LEPROTL1: variants seen among roughly 807,000 people sequenced by gnomAD.
The protein encoded by LEPROTL1 is leptin receptor overlapping transcript-like 1.
In LEPROTL1, 6 loss-of-function variants were observed where a neutral mutation model predicts 15.4. The observed-to-expected ratio is 0.39, with a 90% CI of 0.21 to 0.77. The LOEUF is 0.77. Ranked by LOEUF, LEPROTL1 falls within the 30% of genes least tolerant of loss-of-function variation. The pLI is 0.41. For missense variants in LEPROTL1, 128 were observed against 158.1 expected (o/e 0.81, Z 1.02); for synonymous variants, 56 against 52.6 (o/e 1.06, Z -0.28).
chr8:30,130,781 AT>A (rs11411595), intron 3 of LEPROTL1, among the ~76,000 whole-genome samples: 98 of 134,006 alleles, frequency 7.3e-4, no homozygotes, highest in African/African-American at 9.1e-4. Context: ...TCAAAAAAAA[AT>A]TTTTTTTTTT....
At chr8:30,111,666 C>G (rs1415388601), downstream of LEPROTL1, among the ~76,000 whole-genome samples, 2 of 152,256 alleles carry the variant, frequency 1.3e-5, no homozygotes, top group South Asian at 4.1e-4. Flanking sequence ...ATAAGAGAGA[C>G]AGAAATATAT....
At chr8:30,115,176 C>T (rs1204402237) in intron 3 of LEPROTL1, among the ~76,000 whole-genome samples, 4 of 151,970 alleles carry the variant, frequency 2.6e-5, no homozygotes, top group Non-Finnish European at 5.9e-5. Context: ...TCAGCCTGCG[C>T]AATATGATAA....
chr8:30,111,304 A>G (rs1802650587), downstream of LEPROTL1, among the ~76,000 whole-genome samples: 1 of 152,224 alleles, frequency 6.6e-6, no homozygotes, highest in African/African-American at 2.4e-5. Flanking sequence ...ACTACAAATG[A>G]TGTTTGTCAT....
At chr8:30,095,595 G>A (rs1163805842) in intron 1 of LEPROTL1, 67 bp downstream of exon 1, 2 of 1,241,918 alleles carry the variant, frequency 1.6e-6, no homozygotes, top group Admixed American at 4.2e-5. Context: ...GGGGTCCCAC[G>A]CGGCCCCCGC....
At chr8:30,138,220 C>A, downstream of LEPROTL1, 1 of 222,550 alleles carries the variant, frequency 4.5e-6, no homozygotes, top group Non-Finnish European at 9.1e-6. Flanking sequence ...GCCTGTCTCC[C>A]GCACAGCCAG....
Position 30,099,795 on chromosome 8 carries a change from C to G in LEPROTL1, c.17-2103C>G, listed in dbSNP as rs1255458615. ...GAATATTTCTTGAATGAAAAAATGT[C>G]TGAGGCAGAAGGGACAAAGTGTGCA... On this transcript the variant is annotated intron_variant, in intron 1 of 3. Coordinates refer to ENST00000321250, the MANE Select transcript of LEPROTL1 (RefSeq NM_015344.3). Among the ~76,000 whole-genome samples the G allele has an allele frequency of 8.4e-5, 7 of 83,774 alleles. No individual in the cohort carries two copies. The East Asian group carries it at 3.1e-3, about 37-fold the overall frequency. 55.0% of individuals were successfully genotyped at this position (83,774 alleles called of 152,430 possible).
intron 3 of LEPROTL1, among the ~76,000 whole-genome samples, chr8:30,116,171 T>G (rs1802738155): frequency 6.6e-6 from 1 of 151,904 alleles, no homozygotes. Context: ...AGCCTTGAGG[T>G]AGAGGCTGCA....
downstream of LEPROTL1, among the ~76,000 whole-genome samples, chr8:30,111,491 C>T (rs1187364797): frequency 6.6e-6 from 1 of 152,200 alleles, no homozygotes; most frequent in Admixed American, 6.5e-5. Flanking sequence ...TATTTCACTT[C>T]GGCTATGTCA....
At chr8:30,099,756 A>G (rs80242543) in intron 1 of LEPROTL1, among the ~76,000 whole-genome samples, 2,020 of 152,272 alleles carry the variant, frequency 0.013, 47 homozygotes, top group East Asian at 0.074. Flanking sequence ...CTTGTCACAT[A>G]TTTAGTGCTC....
downstream of LEPROTL1, among the ~76,000 whole-genome samples, chr8:30,113,458 G>A (rs1043537499): frequency 2.0e-5 from 3 of 152,150 alleles, no homozygotes; most frequent in African/African-American, 2.4e-5. Flanking sequence ...ATAAAAGTTG[G>A]GACCCCTGCC....
chr8:30,123,962 G>A (rs1353587041), intron 3 of LEPROTL1, among the ~76,000 whole-genome samples: 1 of 151,176 alleles, frequency 6.6e-6, no homozygotes, highest in Non-Finnish European at 1.5e-5. Context: ...AATTTCAAAG[G>A]CTCAAAGGGA....
intron 1 of LEPROTL1, 121 bp downstream of exon 1, chr8:30,095,649 G>A (rs940053146): frequency 2.3e-6 from 2 of 858,942 alleles, no homozygotes; most frequent in Non-Finnish European, 3.2e-6. Context: ...TCCCTGCGCC[G>A]GGGAAGCGAC....
chr8:30,119,282 T>G (rs1802790721), intron 3 of LEPROTL1, among the ~76,000 whole-genome samples: 1 of 152,204 alleles, frequency 6.6e-6, no homozygotes, highest in South Asian at 2.1e-4. Context: ...TAACAGCATC[T>G]CAGGGCAAAG....
At chr8:30,104,278 T>C in intron 2 of LEPROTL1, 22 bp from the exon 3 acceptor site, 1 of 1,396,034 alleles carries the variant, frequency 7.2e-7, no homozygotes, top group Non-Finnish European at 9.6e-7. Flanking sequence ...AAAATTACAT[T>C]AACTTATTTT....
intron 2 of LEPROTL1, among the ~76,000 whole-genome samples, chr8:30,102,462 C>T (rs1383231762): frequency 6.6e-6 from 1 of 151,990 alleles, no homozygotes; most frequent in African/African-American, 2.4e-5. Context: ...ACCAGCCTGG[C>T]TAACATGGTG....
At chr8:30,111,722 G>C (rs16876485), downstream of LEPROTL1, among the ~76,000 whole-genome samples, 403 of 152,290 alleles carry the variant, frequency 2.6e-3, 2 homozygotes, top group Non-Finnish European at 4.3e-3. Context: ...TGGAGTTCAC[G>C]GAAGGGAAAG....
At position 30,108,248 on chromosome 8, in the gene LEPROTL1, A is replaced by C. The variant is rs967386829; in HGVS notation, c.*2386A>C. On this transcript the variant is annotated 3_prime_UTR_variant, in exon 4 of 4. Coordinates refer to ENST00000321250, the MANE Select transcript of LEPROTL1 (RefSeq NM_015344.3). Reference sequence around the variant, plus strand: ...ACAGATATTACAATGCAGCCCTGTAATTTTGAGCTGTAGTAAAAGGATTGG... The same window carrying C: ...ACAGATATTACAATGCAGCCCTGTACTTTTGAGCTGTAGTAAAAGGATTGG... The C allele has an allele frequency of 1.3e-5, 2 of 155,636 alleles. No homozygotes were observed. Among genetic ancestry groups the C allele is most frequent in the East Asian group, 1.9e-4 (1 of 5,210 alleles). 9.6% of individuals were successfully genotyped at this position (155,636 alleles called of 1,614,324 possible).
At chr8:30,096,458 C>G in intron 1 of LEPROTL1, 1 of 918,552 alleles carries the variant, frequency 1.1e-6, no homozygotes, top group Non-Finnish European at 1.3e-6. Context: ...TGTATTTTTT[C>G]TTCTCTAAGG....
chr8:30,120,982 C>G (rs541397353), intron 3 of LEPROTL1, among the ~76,000 whole-genome samples: 1 of 152,308 alleles, frequency 6.6e-6, no homozygotes, highest in Non-Finnish European at 1.5e-5. Flanking sequence ...CCCATTCCCC[C>G]TGCTCCCAGC....
Sources: allele counts gnomAD v4.1 joint callset (sites outside exome capture counted in the v4.1 genomes callset), GRCh38; gene constraint gnomAD v4.1.1; transcripts MANE v1.5; gene names NCBI Gene and HGNC (gene_info 2026-07-23, HGNC 2026-07-21).